TDRP: variants seen among roughly 807,000 people sequenced by gnomAD.
TDRP encodes testis development related protein, also known as testis development-related protein.
A neutral mutation model predicts 10.5 loss-of-function variants in TDRP; 12 were observed. The ratio of observed to expected loss-of-function variants is 1.15; its 90% confidence interval spans 0.73 to 1.86. The LOEUF (loss-of-function observed/expected upper bound fraction) is 1.86, where lower values mean the gene tolerates loss of function less well. Among genes scored for constraint, TDRP ranks in the 40% most tolerant of loss-of-function variants. The probability of loss-of-function intolerance (pLI) is 0.00; values close to 1 mark genes in which losing one functional copy is unlikely to be tolerated. For missense variants in TDRP, 353 were observed against 229.2 expected, an observed-to-expected ratio of 1.54 and a Z score of -3.49; for synonymous variants, 139 against 95.4, an observed-to-expected ratio of 1.46 and a Z score of -2.67.
In TDRP at chr8:492,126, G is replaced by A. The variant is rs1052258101; in HGVS notation, c.*273C>T. ...ATCATTACTGCTGTATTATGGGAGA[G>A]CATCATAAATTCACATCTCCAGTTT... is the stretch of plus-strand genomic sequence containing the variant. On this transcript the variant is annotated 3_prime_UTR_variant, in exon 3 of 3. Transcript: ENST00000324079. 6 of 1,235,614 alleles carry A rather than the reference G, an allele frequency of 4.9e-6. No individual in the cohort carries two copies. Among genetic ancestry groups the A allele is most frequent in the African/African-American group, 1.5e-5 (1 of 64,538 alleles). The allele number at this position is 1,235,614 out of a possible 1,614,324, so 76.5% of individuals were successfully genotyped here. A position where few individuals can be genotyped will look rare whatever the true frequency, so the allele number is the denominator to read the frequency against.
chr8:526,001 T>C (rs965035300), intron 1 of TDRP, among the ~76,000 whole-genome samples: 8 of 152,192 alleles, frequency 5.3e-5, no homozygotes, highest in African/African-American at 1.9e-4. Context: ...GTTCAGGTTT[T>C]GGATTTCTTC....
chr8:511,842 A>T (rs1162075364), intron 1 of TDRP, among the ~76,000 whole-genome samples: 6 of 152,226 alleles, frequency 3.9e-5, no homozygotes, highest in Non-Finnish European at 7.3e-5. Flanking sequence ...AATGGGTCTA[A>T]GAAGGAAATC....
intron 1 of TDRP, among the ~76,000 whole-genome samples, chr8:507,444 G>C (rs1801496442): frequency 6.6e-6 from 1 of 152,170 alleles, no homozygotes. Context: ...GCCACAATTT[G>C]ACTGGATTCA....
chr8:491,433 A>G lies in TDRP; in HGVS notation c.*966T>C. ...TCAAGGACAGTAAGCAGACAGAAAA[A>G]GAACGCGAGAGATGCTCTCAAACCG... On this transcript the variant is annotated 3_prime_UTR_variant, in exon 3 of 3. Coordinates refer to ENST00000324079, the MANE Select transcript of TDRP (RefSeq NM_001384899.1). 5.6e-6 allele frequency: 3 copies of G among 531,814 alleles called. No homozygotes were observed. In the Admixed American group the frequency reaches 1.2e-4, roughly 21 times the overall value. 32.9% of individuals were successfully genotyped at this position (531,814 alleles called of 1,614,324 possible).
intron 1 of TDRP, among the ~76,000 whole-genome samples, chr8:543,937 A>AGGGGGGGGGGGGGGG (rs1186683495): frequency 5.4e-5 from 1 of 18,640 alleles, no homozygotes; most frequent in African/African-American, 2.0e-4. Context: ...AGGGGGGGGG[A>AGGGGGGGGGGGGGGG]GGGGGTGGGG....
intron 1 of TDRP, among the ~76,000 whole-genome samples, chr8:543,227 G>C (rs958633045): frequency 6.6e-6 from 1 of 152,110 alleles, no homozygotes. Context: ...GAGGAGAATA[G>C]CTTGAGCCCA....
intron 1 of TDRP, among the ~76,000 whole-genome samples, chr8:505,899 G>A (rs139353660): frequency 1.8e-4 from 28 of 152,176 alleles, no homozygotes; most frequent in African/African-American, 5.3e-4. Context: ...ACCCAAAGTC[G>A]GCACGTAGAT....
chr8:545,333 C>T (rs865940335), upstream of TDRP, among the ~76,000 whole-genome samples: 20 of 135,732 alleles, frequency 1.5e-4, no homozygotes, highest in South Asian at 5.1e-3. Flanking sequence ...CTGCCCTATC[C>T]CCGGTTCCCT....
At chr8:539,977 A>G (rs1295847538) in intron 1 of TDRP, among the ~76,000 whole-genome samples, 1 of 152,256 alleles carries the variant, frequency 6.6e-6, no homozygotes, top group Non-Finnish European at 1.5e-5. Context: ...GTAAGTGAAA[A>G]TATGTCAAAA....
chr8:524,419 T>C (rs1157223688), intron 1 of TDRP, among the ~76,000 whole-genome samples: 1 of 151,994 alleles, frequency 6.6e-6, no homozygotes, highest in East Asian at 1.9e-4. Context: ...ATCAAGATCA[T>C]CCAGGAAAAC....
At chr8:512,849 G>C (rs6994714) in intron 1 of TDRP, among the ~76,000 whole-genome samples, 62,211 of 151,764 alleles carry the variant, frequency 0.41, 13,545 homozygotes, top group Non-Finnish European at 0.48. Flanking sequence ...GCATGTGCCT[G>C]TAATCCCAGC....
rs558746910 is a variant in TDRP, at chr8:543,439, C to G, written c.108+1211G>C. 1.6e-4 allele frequency among the ~76,000 whole-genome samples: 24 copies of G among 152,138 alleles called. No individual in the cohort carries two copies. The South Asian group carries it at 5.0e-3, about 32-fold the overall frequency. On this transcript the variant is annotated intron_variant, in intron 1 of 2. Coordinates refer to ENST00000324079, the MANE Select transcript of TDRP (RefSeq NM_001384899.1). Reference sequence around the variant, plus strand: ...ATCCAGAAACAATAATATGGCTCATCTTTGACCAATATTAGTTATTTGTAG... The same window carrying G: ...ATCCAGAAACAATAATATGGCTCATGTTTGACCAATATTAGTTATTTGTAG...
chr8:543,927 A>AGGGG (rs1196311229), intron 1 of TDRP, among the ~76,000 whole-genome samples: 16 of 11,370 alleles, frequency 1.4e-3, no homozygotes, highest in South Asian at 5.1e-3. Flanking sequence ...GGAAAAAGGG[A>AGGGG]GGGGGGGGGA....
chr8:501,605 C>T (rs1801303112), intron 1 of TDRP, among the ~76,000 whole-genome samples: 1 of 152,196 alleles, frequency 6.6e-6, no homozygotes, highest in African/African-American at 2.4e-5. Flanking sequence ...CCTCAGCCTC[C>T]CAAAGTGCTG....
At chr8:540,252 G>C (rs1231874824) in intron 1 of TDRP, among the ~76,000 whole-genome samples, 2 of 152,158 alleles carry the variant, frequency 1.3e-5, no homozygotes, top group Non-Finnish European at 2.9e-5. Context: ...ATATCATTTA[G>C]TATCCCACAG....
Position 490,594 on chromosome 8 carries a change from C to T in TDRP, c.*1805G>A, listed in dbSNP as rs1285696862. ...CCAAAAACAAACCTACACTGACTTC[C>T]GCTGGAAAGTATTTGCAGAAGTCAT... On this transcript the variant is annotated 3_prime_UTR_variant, in exon 3 of 3. Coordinates refer to ENST00000324079, the MANE Select transcript of TDRP (RefSeq NM_001384899.1). The T allele has an allele frequency of 6.6e-6, 1 of 152,292 alleles. No individual in the cohort carries two copies. Among genetic ancestry groups the T allele is most frequent in the East Asian group, 1.9e-4 (1 of 5,182 alleles). 9.4% of individuals were successfully genotyped at this position (152,292 alleles called of 1,614,324 possible). A position where few individuals can be genotyped will look rare whatever the true frequency, so the allele number is the denominator to read the frequency against.
At chr8:518,569 AG>A (rs1224625402) in intron 1 of TDRP, among the ~76,000 whole-genome samples, 1 of 152,196 alleles carries the variant, frequency 6.6e-6, no homozygotes, top group Non-Finnish European at 1.5e-5. Context: ...ACAAAAGTCT[AG>A]GAAAGCTGAG....
At chr8:544,408 G>A (rs910260513) in intron 1 of TDRP, among the ~76,000 whole-genome samples, 2 of 152,206 alleles carry the variant, frequency 1.3e-5, no homozygotes, top group East Asian at 2.0e-4. Context: ...CCAGTTAAGC[G>A]GGGAGTGGGT....
intron 1 of TDRP, among the ~76,000 whole-genome samples, chr8:523,807 G>T (rs781736291): frequency 6.6e-6 from 1 of 152,176 alleles, no homozygotes; most frequent in Non-Finnish European, 1.5e-5. Context: ...TGATTCCTGA[G>T]GTTTCTGACT....
Sources: allele counts gnomAD v4.1 joint callset (sites outside exome capture counted in the v4.1 genomes callset), GRCh38; gene constraint gnomAD v4.1.1; transcripts MANE v1.5; gene names NCBI Gene and HGNC (gene_info 2026-07-23, HGNC 2026-07-21).